TNRC6B: variants seen among roughly 807,000 people sequenced by gnomAD.
The protein encoded by TNRC6B is trinucleotide repeat-containing gene 6B protein.
In TNRC6B, 52 loss-of-function variants were observed where a neutral mutation model predicts 203.6. The observed-to-expected ratio is 0.26, with a 90% confidence interval of 0.20 to 0.32. The LOEUF (loss-of-function observed/expected upper bound fraction) is 0.32. Ranked by LOEUF, TNRC6B falls within the 10% of genes least tolerant of loss-of-function variation. The probability of loss-of-function intolerance (pLI) is 1.00; values close to 1 mark genes in which losing one functional copy is unlikely to be tolerated. For missense variants in TNRC6B, 1,923 were observed against 2,286.2 expected, an observed-to-expected ratio of 0.84 and a Z score of 3.24; for synonymous variants, 838 against 845.7, an observed-to-expected ratio of 0.99 and a Z score of 0.16.
At chr22:40,140,262 C>T (rs899867543) in intron 3 of TNRC6B, among the ~76,000 whole-genome samples, 42 of 152,084 alleles carry the variant, frequency 2.8e-4, no homozygotes, top group Admixed American at 5.2e-4. Flanking sequence ...GCTATAGAAC[C>T]ACAAATTTTA....
At chr22:40,202,237 GTA>G (rs2146408705) in intron 1 of TNRC6B, among the ~76,000 whole-genome samples, 1 of 97,994 alleles carries the variant, frequency 1.0e-5, no homozygotes, top group South Asian at 2.9e-4. Flanking sequence ...CTCTAAATGT[GTA>G]TGTGTTGTTG....
intron 1 of TNRC6B, among the ~76,000 whole-genome samples, chr22:40,095,576 G>A (rs746318683): frequency 4.6e-5 from 7 of 151,646 alleles, no homozygotes; most frequent in African/African-American, 9.7e-5. Flanking sequence ...CCATGATTAC[G>A]ATGTAACCAT....
At chr22:40,205,287 G>A (rs2069464577) in intron 1 of TNRC6B, among the ~76,000 whole-genome samples, 1 of 152,200 alleles carries the variant, frequency 6.6e-6, no homozygotes, top group Admixed American at 6.5e-5. Flanking sequence ...AGTAGATGGT[G>A]TTCACAGATT....
chr22:40,306,815 G>A (rs149200192), intron 15 of TNRC6B, among the ~76,000 whole-genome samples: 5 of 152,194 alleles, frequency 3.3e-5, no homozygotes, highest in South Asian at 2.1e-4. Flanking sequence ...GTGAAACCCC[G>A]TCTCTACTAA....
intron 12 of TNRC6B, among the ~76,000 whole-genome samples, chr22:40,295,233 C>T (rs879674654): frequency 3.3e-5 from 5 of 152,000 alleles, no homozygotes; most frequent in East Asian, 1.9e-4. Flanking sequence ...CCTAGCATTT[C>T]GGGAGTCCGA....
intron 1 of TNRC6B, among the ~76,000 whole-genome samples, chr22:40,181,035 T>C (rs543462878): frequency 9.2e-5 from 14 of 152,296 alleles, no homozygotes; most frequent in Middle Eastern, 3.4e-3. Flanking sequence ...GGTATCTCAA[T>C]TTTAAAGTGC....
intron 1 of TNRC6B, among the ~76,000 whole-genome samples, chr22:40,066,787 A>T (rs1451040612): frequency 6.6e-6 from 1 of 152,056 alleles, no homozygotes; most frequent in Non-Finnish European, 1.5e-5. Context: ...GCTTGGTTTT[A>T]TGTGATAGTC....
intron 10 of TNRC6B, among the ~76,000 whole-genome samples, 191 bp downstream of exon 10, chr22:40,280,334 C>T (rs1421926166): frequency 6.6e-6 from 1 of 152,188 alleles, no homozygotes; most frequent in Non-Finnish European, 1.5e-5. Context: ...GAGCAAGAAC[C>T]ATCTGTCTTT....
chr22:40,256,744 C>A (rs2070285014), intron 3 of TNRC6B, among the ~76,000 whole-genome samples: 4 of 152,276 alleles, frequency 2.6e-5, no homozygotes, highest in Admixed American at 2.6e-4. Flanking sequence ...CTGATCCCCC[C>A]TGATCAAGAG....
chr22:40,076,560 C>T (rs1284428917), intron 1 of TNRC6B, among the ~76,000 whole-genome samples: 1 of 152,036 alleles, frequency 6.6e-6, no homozygotes, highest in Non-Finnish European at 1.5e-5. Context: ...TTAAAGATCC[C>T]TATCTTGTAT....
At chr22:40,240,871 G>A (rs1397544144) in intron 1 of TNRC6B, among the ~76,000 whole-genome samples, 1 of 152,160 alleles carries the variant, frequency 6.6e-6, no homozygotes, top group African/African-American at 2.4e-5. Context: ...TGCCCACACT[G>A]GAGTGCAGTG....
intron 1 of TNRC6B, among the ~76,000 whole-genome samples, chr22:40,067,018 C>A (rs1409289850): frequency 6.6e-6 from 1 of 151,870 alleles, no homozygotes; most frequent in African/African-American, 2.4e-5. Context: ...ATCCTCCTAC[C>A]TCACCTTCCT....
At chr22:40,295,625 G>A (rs572589856) in intron 12 of TNRC6B, among the ~76,000 whole-genome samples, 2 of 152,244 alleles carry the variant, frequency 1.3e-5, no homozygotes, top group African/African-American at 2.4e-5. Context: ...CAATGGAGAT[G>A]GGGAAGCTTT....
chr22:40,273,396 C>G (rs778942372), intron 6 of TNRC6B, 29 bp from the exon 7 acceptor site: 1 of 1,552,936 alleles, frequency 6.4e-7, no homozygotes. Context: ...ATAGCTGTTG[C>G]AAAGAGTTAA....
At chr22:40,300,047 A>C (rs1455827462) in intron 12 of TNRC6B, among the ~76,000 whole-genome samples, 1 of 152,212 alleles carries the variant, frequency 6.6e-6, no homozygotes, top group African/African-American at 2.4e-5. Context: ...TATTTGTCTT[A>C]CTTGTAGCAC....
rs557714615 is a variant in TNRC6B at position 40,228,817 on chromosome 22, C to A, written c.6-17198C>A. Among the ~76,000 whole-genome samples, 4 of 152,250 alleles carry A rather than the reference C, an allele frequency of 2.6e-5. No homozygotes were observed. In the East Asian group the frequency reaches 7.7e-4, roughly 29 times the overall value. ...GGGATTACAGACATGAGCCACCGCG[C>A]CCAGCCCCAGGAGGCTGTTTCTTAG... On this transcript the variant is annotated intron_variant, in intron 1 of 22. Transcript: ENST00000454349.
intron 1 of TNRC6B, among the ~76,000 whole-genome samples, chr22:40,227,997 C>T (rs1020157252): frequency 3.9e-5 from 6 of 152,198 alleles, no homozygotes; most frequent in African/African-American, 1.4e-4. Context: ...AAGGCCATAG[C>T]TAAGACCGCT....
At chr22:40,275,309 T>C (rs765049164) in intron 7 of TNRC6B, among the ~76,000 whole-genome samples, 18 of 152,204 alleles carry the variant, frequency 1.2e-4, no homozygotes, top group Non-Finnish European at 2.2e-4. Context: ...AAATTAACAA[T>C]GAGACTAAAT....
chr22:40,057,258 G>T (rs2067806021), intron 1 of TNRC6B, among the ~76,000 whole-genome samples: 1 of 147,912 alleles, frequency 6.8e-6, no homozygotes, highest in African/African-American at 2.5e-5. Context: ...TAAAGGTGTT[G>T]ATTTATTAAA....
Sources: allele counts gnomAD v4.1 joint callset (sites outside exome capture counted in the v4.1 genomes callset), GRCh38; gene constraint gnomAD v4.1.1; transcripts MANE v1.5; gene names NCBI Gene and HGNC (gene_info 2026-07-23, HGNC 2026-07-21).